FDFT1: variants seen among roughly 807,000 people sequenced by gnomAD.
The protein encoded by FDFT1 is squalene synthase.
Under a neutral mutation model 46.8 loss-of-function variants are expected in FDFT1, and 68 were observed. The ratio of observed to expected loss-of-function variants is 1.45; its 90% CI spans 1.19 to 1.78. FDFT1 has a LOEUF of 1.78. FDFT1 is among the 40% of genes most tolerant of loss of function. The pLI, the probability that FDFT1 is intolerant of heterozygous loss-of-function variation, is 0.00. For missense variants in FDFT1, 928 were observed against 524.4 expected (o/e 1.77, Z -7.52); for synonymous variants, 351 against 185.1 (o/e 1.90, Z -7.28).
chr8:11,797,411 C>G (rs1247446391), upstream of FDFT1, among the ~76,000 whole-genome samples: 1 of 152,172 alleles, frequency 6.6e-6, no homozygotes, highest in Non-Finnish European at 1.5e-5. Flanking sequence ...CATAACATGT[C>G]TGTTTCTTCC....
intron 1 of FDFT1, 166 bp downstream of exon 1, chr8:11,803,097 G>A (rs1401744423): frequency 4.9e-6 from 7 of 1,437,168 alleles, no homozygotes; most frequent in African/African-American, 1.4e-5. Flanking sequence ...GTAGGGCCCG[G>A]GTGGACGCGG....
At chr8:11,827,950 C>T (rs1006030094) in intron 5 of FDFT1, among the ~76,000 whole-genome samples, 4 of 151,910 alleles carry the variant, frequency 2.6e-5, no homozygotes, top group Admixed American at 6.6e-5. Context: ...GCCTATAATC[C>T]CAGCACTTTG....
chr8:11,834,606 A>T (rs542210988), intron 7 of FDFT1, among the ~76,000 whole-genome samples: 80 of 152,284 alleles, frequency 5.3e-4, no homozygotes, highest in Non-Finnish European at 9.4e-4. Context: ...ATCGAATCAG[A>T]ATCTGCCTTT....
chr8:11,813,903 G>T (rs1036689998), intron 3 of FDFT1, among the ~76,000 whole-genome samples: 1 of 147,270 alleles, frequency 6.8e-6, no homozygotes, highest in Non-Finnish European at 1.5e-5. Context: ...GGAAAGCCCT[G>T]TCCATCCTCT....
chr8:11,831,390 G>C (rs2130877147), intron 6 of FDFT1, 128 bp from the exon 7 acceptor site: 1 of 743,942 alleles, frequency 1.3e-6, no homozygotes, highest in Non-Finnish European at 2.2e-6. Flanking sequence ...TTTTTCTTGA[G>C]CGATTCCATC....
intron 3 of FDFT1, among the ~76,000 whole-genome samples, chr8:11,820,690 C>T (rs1219777969): frequency 6.6e-6 from 1 of 152,208 alleles, no homozygotes; most frequent in Non-Finnish European, 1.5e-5. Flanking sequence ...GCACTGGAGG[C>T]AATCACCTGC....
chr8:11,834,840 C>T (rs1478763192), intron 7 of FDFT1, among the ~76,000 whole-genome samples: 1 of 152,140 alleles, frequency 6.6e-6, no homozygotes. Context: ...ATTTAATCAT[C>T]AAGCCTCGCA....
chr8:11,809,229 G>C (rs1807361930), intron 2 of FDFT1: 14 of 1,164,636 alleles, frequency 1.2e-5, no homozygotes, highest in South Asian at 2.5e-5. Context: ...TAGCATATTG[G>C]GTTGATTCTT....
chr8:11,834,438 G>C (rs373574337), intron 7 of FDFT1, among the ~76,000 whole-genome samples: 1 of 152,136 alleles, frequency 6.6e-6, no homozygotes, highest in Non-Finnish European at 1.5e-5. Flanking sequence ...AATCTTGTTC[G>C]TGTCTCTGCA....
intron 7 of FDFT1, among the ~76,000 whole-genome samples, chr8:11,836,306 C>T (rs537573217): frequency 2.3e-3 from 350 of 152,358 alleles, no homozygotes; most frequent in Admixed American, 5.1e-3. Context: ...CTGTGTGTCA[C>T]TGCCACTCAT....
intron 3 of FDFT1, among the ~76,000 whole-genome samples, chr8:11,819,008 T>C (rs200159167): frequency 9.0e-4 from 137 of 152,322 alleles, no homozygotes; most frequent in African/African-American, 3.1e-3. Flanking sequence ...TCCTTTCCAT[T>C]TTTACTGCTT....
At chr8:11,834,903 C>T (rs1053534651) in intron 7 of FDFT1, among the ~76,000 whole-genome samples, 1 of 152,182 alleles carries the variant, frequency 6.6e-6, no homozygotes, top group African/African-American at 2.4e-5. Context: ...GCAGGCAGAT[C>T]ACTTGAGGTA....
At chr8:11,809,987 C>T (rs1736093) in intron 3 of FDFT1, 137 bp downstream of exon 3, 145,339 of 628,898 alleles carry the variant, frequency 0.23, 18,888 homozygotes, top group East Asian at 0.45. Flanking sequence ...TTAAAAACTC[C>T]GGTAGCCAAG....
At chr8:11,800,209 C>T (rs912550909), upstream of FDFT1, among the ~76,000 whole-genome samples, 9 of 120,666 alleles carry the variant, frequency 7.5e-5, no homozygotes, top group East Asian at 8.2e-4. Context: ...GGCAGTGAAC[C>T]GAGACTGTGC....
At chr8:11,829,137 T>C (rs571319437) in intron 5 of FDFT1, among the ~76,000 whole-genome samples, 1 of 135,266 alleles carries the variant, frequency 7.4e-6, no homozygotes, top group Non-Finnish European at 1.6e-5. Context: ...AGTCCCAGTT[T>C]CACCAGCACT....
At chr8:11,832,534 A>T (rs539553777) in intron 7 of FDFT1, among the ~76,000 whole-genome samples, 17 of 126,700 alleles carry the variant, frequency 1.3e-4, no homozygotes, top group Non-Finnish European at 2.3e-4. Flanking sequence ...CCTGGGTGAT[A>T]GAGTGAGACT....
upstream of FDFT1, chr8:11,802,023 A>G: frequency 2.2e-6 from 1 of 456,028 alleles, no homozygotes; most frequent in Non-Finnish European, 4.4e-6. Context: ...GGAGAGATCT[A>G]GGATGAGAGA....
chr8:11,832,203 C>CT (rs1377634270), intron 7 of FDFT1, among the ~76,000 whole-genome samples: 1 of 151,886 alleles, frequency 6.6e-6, no homozygotes, highest in East Asian at 1.9e-4. Flanking sequence ...CAAAACCATC[C>CT]TATAAAAAGA....
chr8:11,797,484 C>T (rs1291285349), upstream of FDFT1, among the ~76,000 whole-genome samples: 8 of 151,118 alleles, frequency 5.3e-5, no homozygotes, highest in East Asian at 9.7e-4. Context: ...TTTCCCATGT[C>T]TCCTGCCACA....
Sources: allele counts gnomAD v4.1 joint callset (sites outside exome capture counted in the v4.1 genomes callset), GRCh38; gene constraint gnomAD v4.1.1; transcripts MANE v1.5; gene names NCBI Gene and HGNC (gene_info 2026-07-23, HGNC 2026-07-21).